The following CNTNAP2 variants were observed in gnomAD, a reference collection of about 807,000 sequenced individuals.
CNTNAP2 encodes contactin-associated protein-like 2.
Under a neutral mutation model 155.2 loss-of-function variants are expected in CNTNAP2, and 98 were observed. The ratio of observed to expected loss-of-function variants is 0.63; its 90% CI spans 0.54 to 0.75. The LOEUF (loss-of-function observed/expected upper bound fraction) is 0.75. CNTNAP2 is among the 30% of genes least tolerant of loss of function. CNTNAP2 has a pLI of 0.00. For missense variants in CNTNAP2, 1,727 were observed against 1,688.1 expected, an observed-to-expected ratio of 1.02 and a Z score of -0.40; for synonymous variants, 651 against 631.2, an observed-to-expected ratio of 1.03 and a Z score of -0.47.
chr7:148,340,630 C>A (rs1414593088), intron 21 of CNTNAP2, among the ~76,000 whole-genome samples: 1 of 152,232 alleles, frequency 6.6e-6, no homozygotes, highest in African/African-American at 2.4e-5. Flanking sequence ...TCACCATTAG[C>A]ACTTCAGACG....
At chr7:146,834,018 T>G (rs2129199228) in intron 2 of CNTNAP2, among the ~76,000 whole-genome samples, 1 of 152,326 alleles carries the variant, frequency 6.6e-6, no homozygotes, top group Admixed American at 6.5e-5. Context: ...CTTTTCAATT[T>G]ATTTTTTTCA....
chr7:147,063,997 A>T (rs59928514), intron 4 of CNTNAP2, among the ~76,000 whole-genome samples: 1 of 152,138 alleles, frequency 6.6e-6, no homozygotes, highest in Non-Finnish European at 1.5e-5. Flanking sequence ...GAAGTGAGAG[A>T]TGGAAAGAAA....
At chr7:146,342,596 T>G (rs2129096862) in intron 1 of CNTNAP2, among the ~76,000 whole-genome samples, 1 of 152,332 alleles carries the variant, frequency 6.6e-6, no homozygotes, top group African/African-American at 2.4e-5. Flanking sequence ...ATAAGCTTTC[T>G]AGATATTAAA....
chr7:147,629,343 C>A (rs1260782055), intron 12 of CNTNAP2, among the ~76,000 whole-genome samples: 1 of 151,562 alleles, frequency 6.6e-6, no homozygotes, highest in East Asian at 1.9e-4. Flanking sequence ...GCAGAGGTTG[C>A]AGTGAGTTGA....
chr7:147,663,286 G>A (rs564490302), intron 13 of CNTNAP2, among the ~76,000 whole-genome samples: 11 of 152,224 alleles, frequency 7.2e-5, no homozygotes, highest in Admixed American at 6.5e-4. Flanking sequence ...GTAAGCCACC[G>A]TGCCCAGCTG....
At chr7:146,142,128 T>C (rs895649362) in intron 1 of CNTNAP2, among the ~76,000 whole-genome samples, 3 of 152,204 alleles carry the variant, frequency 2.0e-5, no homozygotes, top group African/African-American at 7.2e-5. Context: ...ATTAGAAATA[T>C]TTGCAATGTG....
chr7:146,483,285 ATATATATAT>A (rs1563101647), intron 1 of CNTNAP2, among the ~76,000 whole-genome samples: 581 of 47,216 alleles, frequency 0.012, 38 homozygotes, highest in Non-Finnish European at 0.018. Flanking sequence ...AAAAAAAAAT[ATATATATAT>A]ATATATATAT....
intron 1 of CNTNAP2, among the ~76,000 whole-genome samples, chr7:146,751,597 T>G (rs895317943): frequency 6.6e-6 from 1 of 152,152 alleles, no homozygotes; most frequent in African/African-American, 2.4e-5. Context: ...TCATGCTCTC[T>G]AATTCCTCTT....
chr7:147,033,771 G>A (rs1337166259), intron 3 of CNTNAP2, among the ~76,000 whole-genome samples: 2 of 146,576 alleles, frequency 1.4e-5, no homozygotes, highest in East Asian at 2.0e-4. Context: ...AAAACATAAT[G>A]AAGTAATCAC....
At chr7:147,192,350 T>G (rs1802697879) in intron 8 of CNTNAP2, among the ~76,000 whole-genome samples, 1 of 152,180 alleles carries the variant, frequency 6.6e-6, no homozygotes, top group Admixed American at 6.6e-5. Context: ...TCTTTATGTC[T>G]TTTGTCACAT....
At chr7:146,648,188 C>A (rs1387898871) in intron 1 of CNTNAP2, among the ~76,000 whole-genome samples, 1 of 152,120 alleles carries the variant, frequency 6.6e-6, no homozygotes, top group Non-Finnish European at 1.5e-5. Context: ...CCCTTAATAC[C>A]TTTTATAAGG....
At chr7:147,711,592 C>G (rs1796400961) in intron 13 of CNTNAP2, among the ~76,000 whole-genome samples, 1 of 152,152 alleles carries the variant, frequency 6.6e-6, no homozygotes, top group Non-Finnish European at 1.5e-5. Flanking sequence ...CAGCTGCAGT[C>G]CCCACAGACC....
rs71527884 is a variant in CNTNAP2 at position 148,181,741 on chromosome 7, C to CTTTT, written c.3010+9294_3010+9297dup. On this transcript the variant is annotated intron_variant, in intron 18 of 23. Transcript: ENST00000361727. ...ATAACTTTTGTTTCAAGTGTGTGCC[C>CTTTT]TTTTTTTTTTTTTTTTTTTTTTTTT... Among the ~76,000 whole-genome samples, 392 of 48,668 alleles carry CTTTT rather than the reference C, an allele frequency of 8.1e-3. 64 individuals carry two copies. The highest frequency in any genetic ancestry group is 0.014 in the African/African-American group (156 of 11,012). The allele number at this position is 48,668 out of a possible 152,430, so 31.9% of individuals were successfully genotyped here.
intron 10 of CNTNAP2, among the ~76,000 whole-genome samples, chr7:147,480,818 G>A (rs774353349): frequency 7.9e-5 from 12 of 152,116 alleles, no homozygotes; most frequent in Non-Finnish European, 1.3e-4. Flanking sequence ...TATTCCAACC[G>A]TGGTTCTCTG....
chr7:147,815,918 G>A (rs924508540), intron 13 of CNTNAP2, among the ~76,000 whole-genome samples: 2 of 152,174 alleles, frequency 1.3e-5, no homozygotes, highest in Non-Finnish European at 2.9e-5. Context: ...TCTTTCAGCA[G>A]TTCTTAATCT....
intron 16 of CNTNAP2, among the ~76,000 whole-genome samples, chr7:148,123,633 C>CAGGAAGGAAGGAAGGAAGGAAGGAAGGA (rs35150868): frequency 6.8e-5 from 8 of 118,314 alleles, no homozygotes; most frequent in African/African-American, 2.7e-4. Flanking sequence ...GAAGGGAGAG[C>CAGGAAGGAAGGAAGGAAGGAAGGAAGGA]AGGAAGGAAG....
intron 3 of CNTNAP2, among the ~76,000 whole-genome samples, chr7:146,904,361 C>T (rs1796072249): frequency 6.6e-6 from 1 of 152,188 alleles, no homozygotes; most frequent in South Asian, 2.1e-4. Context: ...TCCCTGTAAT[C>T]TCGCCACGAA....
intron 13 of CNTNAP2, among the ~76,000 whole-genome samples, chr7:147,873,611 A>C (rs1184955733): frequency 6.6e-6 from 1 of 152,184 alleles, no homozygotes; most frequent in Non-Finnish European, 1.5e-5. Flanking sequence ...GCTACAATTC[A>C]AGATGAGATT....
intron 16 of CNTNAP2, among the ~76,000 whole-genome samples, chr7:148,137,215 T>G (rs1804972099): frequency 6.6e-6 from 1 of 152,230 alleles, no homozygotes; most frequent in Non-Finnish European, 1.5e-5. Flanking sequence ...TTTCTAATAT[T>G]CATTACTAAG....
Sources: allele counts gnomAD v4.1 joint callset (sites outside exome capture counted in the v4.1 genomes callset), GRCh38; gene constraint gnomAD v4.1.1; transcripts MANE v1.5; gene names NCBI Gene and HGNC (gene_info 2026-07-23, HGNC 2026-07-21).